Variants in NPSR1 observed in about 807,000 individuals in gnomAD.
The protein encoded by NPSR1 is neuropeptide S receptor 1.
A neutral mutation model predicts 46.9 loss-of-function variants in NPSR1; 48 were observed. The ratio of observed to expected loss-of-function variants is 1.02; its 90% CI spans 0.81 to 1.30. The LOEUF is 1.30. Among genes scored for constraint, NPSR1 ranks in the 50% most tolerant of loss-of-function variants. The probability of loss-of-function intolerance (pLI) is 0.00; values close to 1 mark genes in which losing one functional copy is unlikely to be tolerated. For synonymous variants in NPSR1, 176 were observed against 168.1 expected, an observed-to-expected ratio of 1.05 and a Z score of -0.36; for missense variants, 450 against 449.5, an observed-to-expected ratio of 1.00 and a Z score of -0.01.
chr7:34,801,858 T>G lies in NPSR1; in HGVS notation c.385-9912T>G, dbSNP rs532876165. On this transcript the variant is annotated intron_variant, in intron 3 of 8. Transcript: ENST00000360581. ...AATCTCCTTAAGCTGATAGGCAACT[T>G]CAGCAAAGTCTCAGGATACAAAATC... 1.3e-4 allele frequency among the ~76,000 whole-genome samples: 19 copies of G among 149,836 alleles called. 1 individual carries two copies. The highest frequency in any genetic ancestry group is 4.8e-4 in the African/African-American group (19 of 39,232).
chr7:34,703,228 G>A (rs1046208958), intron 2 of NPSR1, among the ~76,000 whole-genome samples: 20 of 152,060 alleles, frequency 1.3e-4, no homozygotes, highest in Non-Finnish European at 1.8e-4. Context: ...GCGTGGTGGC[G>A]GGCGCGATGG....
At chr7:34,745,548 T>C (rs376261831) in intron 2 of NPSR1, among the ~76,000 whole-genome samples, 2 of 152,330 alleles carry the variant, frequency 1.3e-5, no homozygotes, top group South Asian at 4.1e-4. Context: ...AGATAGAGTT[T>C]TGCTCTGTCA....
At chr7:34,854,389 A>T (rs1052668259), downstream of NPSR1, among the ~76,000 whole-genome samples, 2 of 152,198 alleles carry the variant, frequency 1.3e-5, no homozygotes, top group African/African-American at 4.8e-5. Context: ...TTTTTTAAAA[A>T]ATAAATAACT....
intron 2 of NPSR1, among the ~76,000 whole-genome samples, chr7:34,743,765 T>C (rs1785069843): frequency 1.3e-5 from 2 of 152,206 alleles, no homozygotes; most frequent in South Asian, 4.1e-4. Flanking sequence ...TGATTTCTTT[T>C]TGGGCAACTG....
intron 3 of NPSR1, among the ~76,000 whole-genome samples, chr7:34,794,135 CG>C (rs1788067807): frequency 6.6e-6 from 1 of 151,904 alleles, no homozygotes. Flanking sequence ...AATAGAGGAA[CG>C]GGTTCTAGTG....
At chr7:34,809,482 G>A (rs954882048) in intron 3 of NPSR1, among the ~76,000 whole-genome samples, 4 of 29,490 alleles carry the variant, frequency 1.4e-4, no homozygotes, top group Non-Finnish European at 2.7e-4. Context: ...TTTTTTTTTT[G>A]AGACGGAGTC....
chr7:34,870,869 T>C (rs1342983137), intron 8 of NPSR1, among the ~76,000 whole-genome samples: 2 of 148,212 alleles, frequency 1.3e-5, no homozygotes, highest in Admixed American at 1.3e-4. Flanking sequence ...GTGGGTAACA[T>C]GGATGGATGG....
chr7:34,665,727 T>C (rs898684002), intron 1 of NPSR1, among the ~76,000 whole-genome samples: 1 of 152,216 alleles, frequency 6.6e-6, no homozygotes, highest in Non-Finnish European at 1.5e-5. Context: ...ACTACCCTTC[T>C]GCTCCTAAAG....
chr7:34,809,458 GT>G (rs1788873996), intron 3 of NPSR1, among the ~76,000 whole-genome samples: 1 of 131,374 alleles, frequency 7.6e-6, no homozygotes, highest in Non-Finnish European at 1.6e-5. Flanking sequence ...AATCACCCAG[GT>G]ATTTTTTTTT....
intron 6 of NPSR1, among the ~76,000 whole-genome samples, chr7:34,840,502 C>T (rs1790522861): frequency 6.6e-6 from 1 of 152,168 alleles, no homozygotes; most frequent in Admixed American, 6.5e-5. Context: ...TCCCTTGCTT[C>T]CTGGCAGAAG....
chr7:34,756,165 C>T (rs186898574), intron 2 of NPSR1, among the ~76,000 whole-genome samples: 4 of 152,110 alleles, frequency 2.6e-5, no homozygotes, highest in African/African-American at 9.7e-5. Context: ...CTCAACAGCT[C>T]GGATTGTTCT....
chr7:34,842,196 T>C (rs1790589227), intron 6 of NPSR1, among the ~76,000 whole-genome samples: 1 of 152,240 alleles, frequency 6.6e-6, no homozygotes, highest in Non-Finnish European at 1.5e-5. Flanking sequence ...TACACCTCAA[T>C]TTTTAAATGG....
At chr7:34,705,153 G>A (rs769730003) in intron 2 of NPSR1, among the ~76,000 whole-genome samples, 9 of 152,088 alleles carry the variant, frequency 5.9e-5, no homozygotes, top group South Asian at 2.1e-4. Flanking sequence ...TTGGTTGGAC[G>A]TGGTGGCTCA....
intron 2 of NPSR1, among the ~76,000 whole-genome samples, chr7:34,701,667 T>C (rs927688247): frequency 2.6e-5 from 4 of 152,186 alleles, no homozygotes; most frequent in African/African-American, 7.2e-5. Flanking sequence ...TATGCTTAAA[T>C]CATAAGATTC....
chr7:34,777,308 T>C (rs954840208), intron 2 of NPSR1, among the ~76,000 whole-genome samples: 2 of 152,082 alleles, frequency 1.3e-5, no homozygotes, highest in African/African-American at 4.8e-5. Context: ...GCTGTCTCCA[T>C]GGGGTGGGGC....
rs769650749 is a variant in NPSR1, at chr7:34,848,516, T to C, written c.878T>C (p.Phe293Ser). The change falls in exon 8 of 9, where the codon TTT becomes TCT. Residue 293 changes from phenylalanine to serine, a missense_variant. Transcript: ENST00000360581. ...TGCTGTTGGAGTCCATACTTCCTGT[T>C]TGACATTTTGGACAATTTCAACCTC... ...FICCWSPYFL[F>S]DILDNFNLLP... The C allele has an allele frequency of 6.2e-7, 1 of 1,614,200 alleles. No homozygotes were observed. Among genetic ancestry groups the C allele is most frequent in the South Asian group, 1.1e-5 (1 of 91,078 alleles).
rs1247622610 is a variant in NPSR1, at chr7:34,861,118, C to G, written c.1025+12455C>G. The stretch of plus-strand genomic sequence containing the variant: ...TCAGCAGGTTCACCTGGTGATTAAA[C>G]CCGCCTCTGCCGGAGGCAAAAGCCC... On this transcript the variant is annotated intron_variant, in intron 8 of 8. Coordinates refer to the NPSR1 transcript ENST00000359791. 2.0e-5 allele frequency among the ~76,000 whole-genome samples: 3 copies of G among 151,900 alleles called. No individual in the cohort carries two copies. The East Asian group carries it at 5.8e-4, about 29-fold the overall frequency.
chr7:34,744,420 G>A (rs1785105816), intron 2 of NPSR1, among the ~76,000 whole-genome samples: 1 of 152,068 alleles, frequency 6.6e-6, no homozygotes, highest in Non-Finnish European at 1.5e-5. Flanking sequence ...GTGTCTGGTA[G>A]CAGTGGGCCT....
At chr7:34,871,516 A>G (rs1323802033) in intron 8 of NPSR1, 1 of 151,832 alleles carries the variant, frequency 6.6e-6, no homozygotes, top group Non-Finnish European at 1.5e-5. Flanking sequence ...GTAGTCCCCC[A>G]AAGTCTTAAG....
Sources: allele counts gnomAD v4.1 joint callset (sites outside exome capture counted in the v4.1 genomes callset), GRCh38; gene constraint gnomAD v4.1.1; transcripts MANE v1.5; gene names NCBI Gene and HGNC (gene_info 2026-07-23, HGNC 2026-07-21).